The following NTN1 variants were observed in gnomAD, a reference collection of about 807,000 sequenced individuals.
NTN1 encodes the protein netrin 1.
In NTN1, 11 loss-of-function variants were observed where a neutral mutation model predicts 54.2. The observed-to-expected ratio is 0.20, with a 90% CI of 0.13 to 0.34. The LOEUF is 0.34. NTN1 is among the 10% of genes least tolerant of loss of function. The pLI is 1.00. For missense variants in NTN1, 740 were observed against 893.1 expected, an observed-to-expected ratio of 0.83 and a Z score of 2.18; for synonymous variants, 371 against 382.0, an observed-to-expected ratio of 0.97 and a Z score of 0.33.
At chr17:9,011,106 C>T in the NTN1 span, among the ~76,000 whole-genome samples, 4 of 152,174 alleles carry the variant, frequency 2.6e-5, no homozygotes, top group Non-Finnish European at 4.4e-5. Context: ...GAGAATCTAA[C>T]GCAGCTGAAG....
At chr17:9,100,887 A>G (rs11078783) in intron 2 of NTN1, among the ~76,000 whole-genome samples, 80,866 of 151,870 alleles carry the variant, frequency 0.53, 22,295 homozygotes, top group East Asian at 0.96. Flanking sequence ...TCTCCAGCCA[A>G]TCTTCACTTT....
chr17:9,174,406 T>G (rs2092394835), intron 3 of NTN1: 1 of 152,292 alleles, frequency 6.6e-6, no homozygotes, highest in Non-Finnish European at 1.5e-5. Context: ...TCCACACAGG[T>G]GTGTTAGTCA....
chr17:9,074,288 T>A (rs2092042070), intron 2 of NTN1, among the ~76,000 whole-genome samples: 1 of 152,228 alleles, frequency 6.6e-6, no homozygotes, highest in Non-Finnish European at 1.5e-5. Context: ...CAGCCCGCTC[T>A]GGTTGGAGCT....
At chr17:9,139,638 A>G (rs2092291504) in intron 2 of NTN1, among the ~76,000 whole-genome samples, 1 of 152,192 alleles carries the variant, frequency 6.6e-6, no homozygotes, top group Non-Finnish European at 1.5e-5. Flanking sequence ...CAGTGAGAGA[A>G]TAGGAGAGAA....
chr17:9,170,259 G>A (rs2092383881), intron 3 of NTN1, among the ~76,000 whole-genome samples: 1 of 152,226 alleles, frequency 6.6e-6, no homozygotes, highest in African/African-American at 2.4e-5. Context: ...TAAATGAGAT[G>A]ATGTGGAGGA....
At chr17:9,004,963 G>C in the NTN1 span, among the ~76,000 whole-genome samples, 2 of 152,190 alleles carry the variant, frequency 1.3e-5, no homozygotes, top group Non-Finnish European at 2.9e-5. Context: ...CAACTTCTGA[G>C]TGGAAGTCAT....
intron 3 of NTN1, among the ~76,000 whole-genome samples, chr17:9,170,513 G>T (rs2092384557): frequency 6.6e-6 from 1 of 152,192 alleles, no homozygotes. Flanking sequence ...CACAGGACTG[G>T]GCAGGGCCCC....
the NTN1 span, among the ~76,000 whole-genome samples, chr17:9,014,483 C>T: frequency 6.6e-6 from 1 of 152,228 alleles, no homozygotes; most frequent in Non-Finnish European, 1.5e-5. Context: ...AAGGTGAATG[C>T]AGTGACCCCA....
intron 5 of NTN1, among the ~76,000 whole-genome samples, chr17:9,205,188 A>C (rs1441615460): frequency 6.6e-6 from 1 of 152,148 alleles, no homozygotes; most frequent in East Asian, 1.9e-4. Context: ...TATCTCCTAA[A>C]GGCTTGGCTG....
chr17:9,203,765 C>T (rs1387703159), intron 5 of NTN1, among the ~76,000 whole-genome samples: 6 of 151,592 alleles, frequency 4.0e-5, no homozygotes, highest in Non-Finnish European at 8.8e-5. Context: ...ATCATGCCAC[C>T]GCACTCCAGC....
chr17:9,226,235 T>C (rs1406982595), intron 6 of NTN1, among the ~76,000 whole-genome samples: 4 of 151,064 alleles, frequency 2.6e-5, no homozygotes, highest in Non-Finnish European at 4.4e-5. Context: ...AAGGGAGCGC[T>C]GGAGACGCAG....
At chr17:9,045,865 A>G (rs2091939909) in intron 2 of NTN1, among the ~76,000 whole-genome samples, 2 of 152,246 alleles carry the variant, frequency 1.3e-5, no homozygotes, top group South Asian at 2.1e-4. Flanking sequence ...AAAAAGAGAC[A>G]TAACTAGAGA....
At chr17:9,168,522 A>T (rs1275122781) in intron 3 of NTN1, among the ~76,000 whole-genome samples, 1 of 144,758 alleles carries the variant, frequency 6.9e-6, no homozygotes, top group South Asian at 2.2e-4. Context: ...ACGAGAGTGA[A>T]ACGCCGTCTC....
intron 2 of NTN1, among the ~76,000 whole-genome samples, chr17:9,038,547 C>T (rs898845392): frequency 9.2e-5 from 14 of 152,058 alleles, no homozygotes; most frequent in African/African-American, 3.1e-4. Context: ...CTTGCAAGAC[C>T]TGAGGCCTTA....
chr17:9,091,982 C>T (rs550655245), intron 2 of NTN1, among the ~76,000 whole-genome samples: 1 of 151,706 alleles, frequency 6.6e-6, no homozygotes, highest in South Asian at 2.1e-4. Flanking sequence ...TCGGTGACTC[C>T]CGGGTTCAAG....
intron 2 of NTN1, among the ~76,000 whole-genome samples, chr17:9,158,064 T>G (rs551944501): frequency 5.3e-5 from 8 of 152,044 alleles, no homozygotes; most frequent in African/African-American, 1.9e-4. Flanking sequence ...GCAGAGAAAA[T>G]AAAACAAAGA....
chr17:9,098,115 G>A (rs1470735771), intron 2 of NTN1, among the ~76,000 whole-genome samples: 1 of 152,162 alleles, frequency 6.6e-6, no homozygotes, highest in Admixed American at 6.5e-5. Context: ...TGGACGTTTC[G>A]CTCAGTTCTT....
intron 2 of NTN1, among the ~76,000 whole-genome samples, chr17:9,080,731 G>T (rs925270317): frequency 3.9e-5 from 6 of 152,152 alleles, no homozygotes; most frequent in Non-Finnish European, 5.9e-5. Flanking sequence ...AAGGTTGAAG[G>T]TTGGGCTGAT....
At chr17:9,097,903 A>T (rs185302433) in intron 2 of NTN1, among the ~76,000 whole-genome samples, 1 of 152,154 alleles carries the variant, frequency 6.6e-6, no homozygotes, top group Non-Finnish European at 1.5e-5. Context: ...CCATGTAAAT[A>T]TAAGTCTTTG....
Sources: allele counts gnomAD v4.1 joint callset (sites outside exome capture counted in the v4.1 genomes callset), GRCh38; gene constraint gnomAD v4.1.1; transcripts MANE v1.5; gene names NCBI Gene and HGNC (gene_info 2026-07-23, HGNC 2026-07-21).